Variants in PTPRT observed in about 807,000 individuals in gnomAD.
The protein encoded by PTPRT is protein tyrosine phosphatase receptor type T.
A neutral mutation model predicts 176.8 loss-of-function variants in PTPRT; 56 were observed. The observed-to-expected ratio is 0.32, with a 90% CI of 0.26 to 0.40. PTPRT has a LOEUF of 0.40. Ranked by LOEUF, PTPRT falls within the 10% of genes least tolerant of loss-of-function variation. PTPRT has a pLI of 1.00. For synonymous variants in PTPRT, 783 were observed against 739.0 expected (o/e 1.06, Z -0.96); for missense variants, 1,540 against 1,908.2 (o/e 0.81, Z 3.60).
chr20:42,593,679 C>T (rs1286342368), intron 7 of PTPRT, among the ~76,000 whole-genome samples: 1 of 152,114 alleles, frequency 6.6e-6, no homozygotes, highest in African/African-American at 2.4e-5. Context: ...ATGACAACTG[C>T]AAATATAGCA....
intron 6 of PTPRT, among the ~76,000 whole-genome samples, chr20:42,710,719 G>A (rs888328048): frequency 2.6e-5 from 4 of 152,248 alleles, no homozygotes; most frequent in African/African-American, 9.6e-5. Context: ...ACTGCACAGT[G>A]GAATTGTGGG....
intron 16 of PTPRT, among the ~76,000 whole-genome samples, 188 bp from the exon 17 acceptor site, chr20:42,161,730 C>T (rs1475107639): frequency 1.3e-5 from 2 of 152,188 alleles, no homozygotes; most frequent in African/African-American, 2.4e-5. Context: ...ATCTAAGTAT[C>T]AAACCCACAA....
chr20:42,363,300 A>ATATTTTTTTTTT (rs1248285783), intron 9 of PTPRT, among the ~76,000 whole-genome samples: 2 of 30,562 alleles, frequency 6.5e-5, no homozygotes, highest in Non-Finnish European at 1.1e-4. Context: ...ATATATATAT[A>ATATTTTTTTTTT]TTTTTTTTTT....
chr20:42,093,176 G>A (rs745796946), intron 27 of PTPRT, among the ~76,000 whole-genome samples: 2 of 152,138 alleles, frequency 1.3e-5, no homozygotes, highest in Non-Finnish European at 2.9e-5. Context: ...TGACTGCAAG[G>A]AGGGCTTCTT....
intron 9 of PTPRT, among the ~76,000 whole-genome samples, chr20:42,376,064 T>C (rs1225193108): frequency 2.6e-5 from 4 of 152,216 alleles, no homozygotes; most frequent in Admixed American, 2.6e-4. Context: ...AAAGGCTGAA[T>C]TTTGCCAACA....
At chr20:43,129,613 CTTTTTTTTTTTTT>C (rs869293740) in intron 1 of PTPRT, among the ~76,000 whole-genome samples, 1 of 87,296 alleles carries the variant, frequency 1.1e-5, no homozygotes, top group Non-Finnish European at 2.0e-5. Context: ...CCAAAGAGTT[CTTTTTTTTTTTTT>C]TTTTTTTTTT....
intron 1 of PTPRT, among the ~76,000 whole-genome samples, chr20:43,122,427 G>A (rs2013296142): frequency 1.3e-5 from 2 of 152,186 alleles, no homozygotes; most frequent in African/African-American, 4.8e-5. Context: ...AACATGAAGA[G>A]AGCAAGAAAC....
intron 17 of PTPRT, among the ~76,000 whole-genome samples, chr20:42,154,068 T>C (rs8125073): frequency 6.6e-6 from 1 of 152,270 alleles, no homozygotes; most frequent in Non-Finnish European, 1.5e-5. Context: ...CAGGTATTCC[T>C]GTTTTGGTCA....
chr20:42,765,287 A>C (rs2076967565), intron 5 of PTPRT, among the ~76,000 whole-genome samples: 1 of 152,208 alleles, frequency 6.6e-6, no homozygotes, highest in South Asian at 2.1e-4. Flanking sequence ...GGAGTCCCTG[A>C]GTAATTCAAG....
chr20:43,000,837 T>C (rs77507443), intron 1 of PTPRT, among the ~76,000 whole-genome samples: 3 of 151,890 alleles, frequency 2.0e-5, no homozygotes, highest in East Asian at 3.9e-4. Flanking sequence ...GAAAGTCTAA[T>C]TGTGACTATT....
intron 6 of PTPRT, among the ~76,000 whole-genome samples, chr20:42,754,189 A>C (rs1017170142): frequency 1.2e-4 from 18 of 146,358 alleles, no homozygotes; most frequent in Non-Finnish European, 2.1e-4. Flanking sequence ...AATCTTCAAA[A>C]AAAATTTTTT....
At chr20:42,556,926 G>T (rs75518215) in intron 7 of PTPRT, among the ~76,000 whole-genome samples, 1 of 152,090 alleles carries the variant, frequency 6.6e-6, no homozygotes, top group East Asian at 1.9e-4. Context: ...CCGCACCAGG[G>T]TCTGAGACCA....
At chr20:42,938,657 T>C (rs532669781) in intron 1 of PTPRT, among the ~76,000 whole-genome samples, 5 of 152,276 alleles carry the variant, frequency 3.3e-5, no homozygotes, top group African/African-American at 1.2e-4. Flanking sequence ...GTGCAGGGTA[T>C]TTCCAGCCTA....
intron 8 of PTPRT, among the ~76,000 whole-genome samples, chr20:42,469,391 G>A (rs1221607045): frequency 6.6e-6 from 1 of 152,084 alleles, no homozygotes; most frequent in African/African-American, 2.4e-5. Context: ...TTTTAGTAGA[G>A]ATGGGGTTTC....
At chr20:42,350,232 T>TTGTTG (rs1568799574) in intron 11 of PTPRT, among the ~76,000 whole-genome samples, 2 of 114,630 alleles carry the variant, frequency 1.7e-5, no homozygotes, top group African/African-American at 3.1e-5. Context: ...TTTTTTTTTT[T>TTGTTG]TTTTTTTTTT....
At chr20:42,334,604 C>T (rs1304756490) in intron 11 of PTPRT, among the ~76,000 whole-genome samples, 2 of 152,104 alleles carry the variant, frequency 1.3e-5, no homozygotes, top group East Asian at 3.9e-4. Context: ...TCTACAATTC[C>T]AGTAGCATTT....
At chr20:42,611,833 C>T (rs1279713565) in intron 7 of PTPRT, among the ~76,000 whole-genome samples, 1 of 152,144 alleles carries the variant, frequency 6.6e-6, no homozygotes, top group East Asian at 1.9e-4. Context: ...CCAGATCCAG[C>T]CCCACTAGGC....
At chr20:42,935,147 A>ATTTTTTTTTTT (rs57178522) in intron 1 of PTPRT, among the ~76,000 whole-genome samples, 5 of 42,156 alleles carry the variant, frequency 1.2e-4, no homozygotes, top group African/African-American at 4.7e-4. Flanking sequence ...TTTTGCCATA[A>ATTTTTTTTTTT]TTTTTTTTTT....
At position 42,498,561 on chromosome 20, in the gene PTPRT, G is replaced by A. The variant is rs147198363; in HGVS notation, c.1154-25999C>T. Among the ~76,000 whole-genome samples the A allele has an allele frequency of 4.9e-3, 742 of 152,154 alleles. 6 individuals carry two copies. The highest frequency in any genetic ancestry group is 0.016 in the African/African-American group (685 of 41,528). On this transcript the variant is annotated intron_variant, in intron 7 of 30. Transcript: ENST00000373187. Reference sequence around the variant, plus strand: ...ATGGGCCTGAAAAGCTATCTCTTGCGGGGGAAGTTATATTCTATAGAGACT... The same window carrying A: ...ATGGGCCTGAAAAGCTATCTCTTGCAGGGGAAGTTATATTCTATAGAGACT...
Sources: allele counts gnomAD v4.1 joint callset (sites outside exome capture counted in the v4.1 genomes callset), GRCh38; gene constraint gnomAD v4.1.1; transcripts MANE v1.5; gene names NCBI Gene and HGNC (gene_info 2026-07-23, HGNC 2026-07-21).